Variants in MYO5B observed in about 807,000 individuals in gnomAD.
MYO5B encodes myosin VB.
Under a neutral mutation model 229.3 loss-of-function variants are expected in MYO5B, and 143 were observed. The observed-to-expected ratio is 0.62, with a 90% confidence interval of 0.54 to 0.72. MYO5B has a LOEUF of 0.72. Among genes scored for constraint, MYO5B ranks in the 30% least tolerant of loss-of-function variants. The pLI, the probability that MYO5B is intolerant of heterozygous loss-of-function variation, is 0.00. For synonymous variants in MYO5B, 918 were observed against 885.2 expected (o/e 1.04, Z -0.66); for missense variants, 2,321 against 2,331.0 (o/e 1.00, Z 0.09).
intron 17 of MYO5B, among the ~76,000 whole-genome samples, chr18:49,912,949 T>C (rs2024974113): frequency 6.6e-6 from 1 of 152,236 alleles, no homozygotes; most frequent in Non-Finnish European, 1.5e-5. Flanking sequence ...AATATGTACA[T>C]TAACAAATAA....
chr18:49,883,838 C>T (rs1236395507), intron 22 of MYO5B, among the ~76,000 whole-genome samples: 5 of 152,200 alleles, frequency 3.3e-5, no homozygotes, highest in Admixed American at 6.5e-5. Flanking sequence ...TTTTGACAAC[C>T]GTGCCAAAAC....
chr18:50,086,870 T>A (rs73446698), intron 1 of MYO5B, among the ~76,000 whole-genome samples: 16,192 of 152,110 alleles, frequency 0.11, 1,686 homozygotes, highest in African/African-American at 0.27. Context: ...TGCAAAAGAC[T>A]AACTGTTCTT....
intron 2 of MYO5B, among the ~76,000 whole-genome samples, chr18:50,051,371 A>C (rs930820462): frequency 6.6e-6 from 1 of 152,186 alleles, no homozygotes; most frequent in Non-Finnish European, 1.5e-5. Flanking sequence ...CAGAGGGAGT[A>C]CTCATCATCA....
intron 18 of MYO5B, among the ~76,000 whole-genome samples, chr18:49,907,626 C>T (rs1644913600): frequency 6.6e-6 from 1 of 152,258 alleles, no homozygotes; most frequent in Non-Finnish European, 1.5e-5. Context: ...ACACACACAA[C>T]ATTGCATTTC....
intron 19 of MYO5B, among the ~76,000 whole-genome samples, chr18:49,906,070 G>A (rs2024895141): frequency 1.3e-5 from 2 of 152,176 alleles, no homozygotes; most frequent in South Asian, 4.1e-4. Context: ...CAGGTTAACT[G>A]TGCCAGGCTG....
chr18:50,039,156 C>A (rs1251003788), intron 3 of MYO5B, among the ~76,000 whole-genome samples: 1 of 152,138 alleles, frequency 6.6e-6, no homozygotes, highest in Non-Finnish European at 1.5e-5. Context: ...CACAAAGGAG[C>A]GACTCCCACA....
At chr18:50,136,363 ACT>A (rs1491548597) in intron 1 of MYO5B, among the ~76,000 whole-genome samples, 3 of 91,946 alleles carry the variant, frequency 3.3e-5, no homozygotes, top group African/African-American at 1.2e-4. Context: ...TTTTTTTTTT[ACT>A]TTTTTTTTTT....
chr18:49,936,074 T>C (rs2025246105), intron 16 of MYO5B, among the ~76,000 whole-genome samples, 178 bp downstream of exon 16: 1 of 152,248 alleles, frequency 6.6e-6, no homozygotes, highest in Non-Finnish European at 1.5e-5. Flanking sequence ...GACAGCAGAC[T>C]GGTGGCACTC....
chr18:49,931,293 A>G (rs1260202021), intron 16 of MYO5B, among the ~76,000 whole-genome samples: 1 of 152,060 alleles, frequency 6.6e-6, no homozygotes, highest in Non-Finnish European at 1.5e-5. Context: ...CCTGGGTCTC[A>G]TCCCATGAGA....
chr18:50,095,622 T>A (rs972712717), intron 1 of MYO5B, among the ~76,000 whole-genome samples: 2 of 152,182 alleles, frequency 1.3e-5, no homozygotes, highest in African/African-American at 4.8e-5. Flanking sequence ...AGGATGAGCA[T>A]GTGTGAGCCT....
intron 8 of MYO5B, among the ~76,000 whole-genome samples, chr18:49,984,399 C>T (rs762830496): frequency 6.6e-5 from 10 of 152,170 alleles, no homozygotes; most frequent in Non-Finnish European, 1.5e-4. Flanking sequence ...GACCACAGCA[C>T]GAGAAGACGT....
intron 20 of MYO5B, 44 bp from the exon 21 acceptor site, chr18:49,902,877 G>T: frequency 6.3e-7 from 1 of 1,593,080 alleles, no homozygotes; most frequent in South Asian, 1.1e-5. Context: ...TTGCACTGCA[G>T]GACAGGAGTG....
chr18:49,879,140 A>G (rs901602898), intron 23 of MYO5B, 50 bp from the exon 24 acceptor site: 10 of 1,612,258 alleles, frequency 6.2e-6, no homozygotes, highest in African/African-American at 2.7e-5. Flanking sequence ...ATTCCCTCAC[A>G]TGTATTGACT....
intron 22 of MYO5B, among the ~76,000 whole-genome samples, chr18:49,892,335 G>T (rs986620594): frequency 2.6e-5 from 4 of 152,208 alleles, no homozygotes; most frequent in African/African-American, 7.2e-5. Flanking sequence ...TGTGGACAGA[G>T]AGATGAATTC....
At chr18:49,848,444 C>T (rs950315443) in intron 32 of MYO5B, among the ~76,000 whole-genome samples, 3 of 152,178 alleles carry the variant, frequency 2.0e-5, no homozygotes, top group African/African-American at 7.2e-5. Context: ...GGACGAGTGA[C>T]ACCCAGGGAA....
At chr18:49,923,576 C>A (rs921086620) in intron 17 of MYO5B, among the ~76,000 whole-genome samples, 3 of 152,180 alleles carry the variant, frequency 2.0e-5, no homozygotes, top group Non-Finnish European at 4.4e-5. Context: ...TTTCACACAG[C>A]GAGGCTTCAA....
chr18:50,022,826 G>A (rs974307730), intron 4 of MYO5B, among the ~76,000 whole-genome samples: 5 of 152,104 alleles, frequency 3.3e-5, no homozygotes, highest in Non-Finnish European at 7.4e-5. Context: ...CACTCCCCAC[G>A]CAGGCCCTTT....
chr18:49,987,724 CG>C (rs2025886057), intron 7 of MYO5B, among the ~76,000 whole-genome samples: 1 of 151,786 alleles, frequency 6.6e-6, no homozygotes, highest in Non-Finnish European at 1.5e-5. Flanking sequence ...CATACAACCA[CG>C]GAAATGAAAA....
intron 10 of MYO5B, chr18:49,970,061 CA>C (rs1383141320): frequency 1.3e-5 from 2 of 152,172 alleles, no homozygotes; most frequent in Non-Finnish European, 2.9e-5. Flanking sequence ...AGGATAGGAA[CA>C]AAGGATTAGA....
Sources: allele counts gnomAD v4.1 joint callset (sites outside exome capture counted in the v4.1 genomes callset), GRCh38; gene constraint gnomAD v4.1.1; transcripts MANE v1.5; gene names NCBI Gene and HGNC (gene_info 2026-07-23, HGNC 2026-07-21).